INPP4B: variants seen among roughly 807,000 people sequenced by gnomAD.
The protein encoded by INPP4B is inositol polyphosphate-4-phosphatase type II B, also known as inositol polyphosphate 4-phosphatase type II.
INPP4B carries 55 observed loss-of-function variants against 122.5 expected under a neutral mutation model. That is an observed-to-expected ratio of 0.45 (90% CI 0.36 to 0.56). INPP4B has a LOEUF of 0.56. INPP4B is among the 20% of genes least tolerant of loss of function. The pLI, the probability that INPP4B is intolerant of heterozygous loss-of-function variation, is 0.00. For synonymous variants in INPP4B, 403 were observed against 388.7 expected (o/e 1.04, Z -0.43); for missense variants, 1,000 against 1,097.7 (o/e 0.91, Z 1.26).
Position 142,759,825 on chromosome 4 carries a change from TAAAAAAAAAAAAA to T in INPP4B, c.-253-33937_-253-33925del, listed in dbSNP as rs70949188. On this transcript the variant is annotated intron_variant, in intron 1 of 25. Coordinates refer to ENST00000262992, the MANE Select transcript of INPP4B (RefSeq NM_001101669.3). Reference sequence around the variant, plus strand: ...CCCAGAGCTTATATAGAGCTTTTTCTAAAAAAAAAAAAAAAAAAAAAAAAAAAATTTAATTGCC... The same window carrying T: ...CCCAGAGCTTATATAGAGCTTTTTCTAAAAAAAAAAAAAAATTTAATTGCC... 9.5e-3 allele frequency among the ~76,000 whole-genome samples: 668 copies of T among 70,056 alleles called. 3 individuals are homozygous for T. Among genetic ancestry groups the T allele is most frequent in the Non-Finnish European group, 0.014 (530 of 38,604 alleles). 46.0% of individuals were successfully genotyped at this position (70,056 alleles called of 152,430 possible). A position where few individuals can be genotyped will look rare whatever the true frequency, so the allele number is the denominator to read the frequency against.
chr4:142,788,948 T>C (rs563595846), intron 1 of INPP4B, among the ~76,000 whole-genome samples: 1 of 152,190 alleles, frequency 6.6e-6, no homozygotes, highest in East Asian at 1.9e-4. Context: ...TCAATAAAAG[T>C]TGATACATCA....
chr4:142,707,210 A>G (rs1429599283), intron 2 of INPP4B, among the ~76,000 whole-genome samples: 1 of 152,344 alleles, frequency 6.6e-6, no homozygotes, highest in East Asian at 1.9e-4. Context: ...ACTCAGAGAT[A>G]TTAGTAAATA....
In INPP4B at chr4:142,431,218, G is replaced by A. The variant is rs1809235379; in HGVS notation, c.42C>T (p.His14=). The change falls in exon 4 of 26, where the codon CAC becomes CAT. Residue 14 remains histidine, a synonymous_variant. Coordinates refer to ENST00000262992, the MANE Select transcript of INPP4B (RefSeq NM_001101669.3). ...CATTGGCCTGGGCTGTAGGAAGAAA[G>A]TGCTGCCCTTCTTCTGATGCCCCTT... ...KEEGASEEGQ[H]FLPTAQANDP... is the part of the protein sequence containing the mutation. 6.2e-7 allele frequency: 1 copy of A among 1,613,308 alleles called. No homozygotes were observed.
chr4:142,595,283 C>T (rs544668288), intron 2 of INPP4B, among the ~76,000 whole-genome samples: 26 of 152,014 alleles, frequency 1.7e-4, no homozygotes, highest in Non-Finnish European at 3.4e-4. Flanking sequence ...ACTCCTTAGG[C>T]AGCTCCCACA....
intron 2 of INPP4B, among the ~76,000 whole-genome samples, chr4:142,557,393 C>A (rs1288516594): frequency 6.6e-6 from 1 of 152,158 alleles, no homozygotes; most frequent in Admixed American, 6.5e-5. Flanking sequence ...CTTCAAAGAC[C>A]TGGAGAGACG....
intron 25 of INPP4B, among the ~76,000 whole-genome samples, chr4:142,075,677 G>C (rs1183163000): frequency 6.6e-6 from 1 of 151,910 alleles, no homozygotes; most frequent in East Asian, 1.9e-4. Flanking sequence ...AGAGTGTAGA[G>C]AGCAAGGGTA....
intron 11 of INPP4B, among the ~76,000 whole-genome samples, chr4:142,246,810 C>T (rs746329652): frequency 6.6e-6 from 1 of 152,114 alleles, no homozygotes. Context: ...CCTGATTGCC[C>T]TGGCCAGAAA....
At chr4:142,731,910 A>G (rs963552588) in intron 1 of INPP4B, among the ~76,000 whole-genome samples, 5 of 152,208 alleles carry the variant, frequency 3.3e-5, no homozygotes, top group Non-Finnish European at 7.3e-5. Context: ...ATCCAGGAGC[A>G]ATAGAAGTTC....
In INPP4B at chr4:142,254,314, AAT is replaced by A. The variant is rs1441551802; in HGVS notation, c.688+6176_688+6177del. 3.5e-3 allele frequency among the ~76,000 whole-genome samples: 476 copies of A among 134,094 alleles called. 8 individuals carry two copies. The highest frequency in any genetic ancestry group is 0.012 in the African/African-American group (455 of 38,348). The allele number at this position is 134,094 out of a possible 152,430, so 88.0% of individuals were successfully genotyped here. A position where few individuals can be genotyped will look rare whatever the true frequency, so the allele number is the denominator to read the frequency against. ...CAGAGCGCCTCTCCTCCTCCAAAGG[AAT>A]GCAGTTCCTCACCAGCAACGGAACA... On this transcript the variant is annotated intron_variant, in intron 11 of 25. Transcript: ENST00000262992.
chr4:142,454,762 A>G (rs1815035039), intron 3 of INPP4B, among the ~76,000 whole-genome samples: 1 of 152,046 alleles, frequency 6.6e-6, no homozygotes, highest in African/African-American at 2.4e-5. Context: ...GGAAAATGGT[A>G]ATATCTAATT....
intron 2 of INPP4B, among the ~76,000 whole-genome samples, chr4:142,556,477 G>A (rs1325390792): frequency 6.6e-6 from 1 of 152,176 alleles, no homozygotes. Flanking sequence ...GAAAGAAAAA[G>A]ATAGTTTAAT....
chr4:142,238,223 T>C (rs547060978), intron 11 of INPP4B, among the ~76,000 whole-genome samples: 113 of 152,108 alleles, frequency 7.4e-4, no homozygotes, highest in African/African-American at 2.6e-3. Flanking sequence ...TATTTTGACA[T>C]CTTATTTTTT....
chr4:142,619,429 C>A (rs1019246543), intron 2 of INPP4B, among the ~76,000 whole-genome samples: 1 of 152,014 alleles, frequency 6.6e-6, no homozygotes, highest in African/African-American at 2.4e-5. Context: ...GCAATCCTGC[C>A]ATAGGCAACA....
intron 2 of INPP4B, among the ~76,000 whole-genome samples, chr4:142,526,087 TAA>T (rs1311065633): frequency 3.9e-5 from 6 of 152,002 alleles, no homozygotes; most frequent in African/African-American, 1.4e-4. Flanking sequence ...ATGAAAGTAA[TAA>T]TAGCCTAGAA....
intron 1 of INPP4B, among the ~76,000 whole-genome samples, chr4:142,845,868 C>G (rs1289733836): frequency 2.0e-5 from 3 of 152,082 alleles, no homozygotes; most frequent in African/African-American, 7.2e-5. Flanking sequence ...GGCCAGAGCT[C>G]AGAGTTCCAC....
intron 11 of INPP4B, among the ~76,000 whole-genome samples, chr4:142,248,379 C>T (rs1730093290): frequency 7.0e-6 from 1 of 143,814 alleles, no homozygotes; most frequent in African/African-American, 2.6e-5. Context: ...CTGTTGTTGC[C>T]CAGGCTGGAG....
At chr4:142,715,566 C>G (rs1306285351) in intron 2 of INPP4B, among the ~76,000 whole-genome samples, 2 of 151,734 alleles carry the variant, frequency 1.3e-5, no homozygotes, top group East Asian at 1.9e-4. Context: ...TACAAAATGT[C>G]TATAACCACC....
intron 23 of INPP4B, among the ~76,000 whole-genome samples, chr4:142,099,387 T>C (rs1412385011): frequency 1.3e-5 from 2 of 152,198 alleles, no homozygotes; most frequent in African/African-American, 2.4e-5. Flanking sequence ...ACATATGTTT[T>C]AAATAAAATA....
At chr4:142,549,279 T>A (rs1010612421) in intron 2 of INPP4B, among the ~76,000 whole-genome samples, 1 of 152,052 alleles carries the variant, frequency 6.6e-6, no homozygotes, top group African/African-American at 2.4e-5. Flanking sequence ...TGAAATCTCA[T>A]CCTCCCATAC....
Sources: allele counts gnomAD v4.1 joint callset (sites outside exome capture counted in the v4.1 genomes callset), GRCh38; gene constraint gnomAD v4.1.1; transcripts MANE v1.5; gene names NCBI Gene and HGNC (gene_info 2026-07-23, HGNC 2026-07-21).